Variants in PHF2 observed in about 807,000 individuals in gnomAD.
PHF2 encodes PHD finger protein 2.
Under a neutral mutation model 120.5 loss-of-function variants are expected in PHF2, and 27 were observed. That is an observed-to-expected ratio of 0.22 (90% confidence interval 0.17 to 0.31). The LOEUF (loss-of-function observed/expected upper bound fraction) is 0.31, where lower values mean the gene tolerates loss of function less well. Among genes scored for constraint, PHF2 ranks in the 10% least tolerant of loss-of-function variants. The pLI is 1.00. For missense variants in PHF2, 1,024 were observed against 1,434.8 expected (o/e 0.71, Z 4.63); for synonymous variants, 568 against 592.5 (o/e 0.96, Z 0.60).
rs1245041215 is a variant in PHF2 at position 93,660,454 on chromosome 9, G to A, written c.1592G>A (p.Gly531Glu). The A allele has an allele frequency of 6.3e-7, 1 of 1,579,112 alleles. No individual in the cohort carries two copies. The highest frequency in any genetic ancestry group is 8.6e-7 in the Non-Finnish European group (1 of 1,163,120). ...CTCAAAGATGGAGGCAAGAAGAAAGGGAAGAAGTCCCGGGAGTCAGCCTCA... is the reference window on the plus strand; with the variant it reads ...CTCAAAGATGGAGGCAAGAAGAAAGAGAAGAAGTCCCGGGAGTCAGCCTCA... ...LKLKDGGKKK[G>E]KKSRESASPT... The change falls in exon 12 of 22, where the codon GGG becomes GAG. Residue 531 changes from glycine (G) to glutamate (E), a missense_variant. By Grantham distance (98) the Gly-to-Glu change is moderately conservative. Coordinates refer to ENST00000359246, the MANE Select transcript of PHF2 (RefSeq NM_005392.4).
intron 1 of PHF2, among the ~76,000 whole-genome samples, chr9:93,622,267 T>C (rs1007316159): frequency 6.6e-6 from 1 of 152,244 alleles, no homozygotes; most frequent in Non-Finnish European, 1.5e-5. Context: ...CCAGCCAGCC[T>C]GTCCATACAC....
At chr9:93,665,172 A>G (rs1826651965) in intron 14 of PHF2, among the ~76,000 whole-genome samples, 1 of 152,112 alleles carries the variant, frequency 6.6e-6, no homozygotes, top group Admixed American at 6.5e-5. Context: ...CCCTGAGTTT[A>G]TTTTTCCAAC....
chr9:93,665,704 C>A lies in PHF2; in HGVS notation c.1956C>A (p.Pro652=). Residue 652 remains proline (P), a synonymous_variant, in exon 15 of 22, where the codon CCC becomes CCA. Transcript: ENST00000359246. ...GCCCTAGCTCCAAGGCTCTCAGGCC[C>A]CCGACGAGCCCTGGTGTGTTCGGGG... is the stretch of plus-strand genomic sequence containing the variant. The part of the protein sequence containing the change: ...KKLLGSKALR[P]PTSPGVFGAL... The A allele has an allele frequency of 6.2e-7, 1 of 1,613,832 alleles. No individual in the cohort carries two copies. Among genetic ancestry groups the A allele is most frequent in the Non-Finnish European group, 8.5e-7 (1 of 1,179,998 alleles).
chr9:93,599,275 A>G (rs547494528), intron 1 of PHF2, among the ~76,000 whole-genome samples: 70 of 152,196 alleles, frequency 4.6e-4, no homozygotes, highest in Non-Finnish European at 9.0e-4. Context: ...TCAAGGAGCA[A>G]TGATAGGCAG....
chr9:93,607,417 C>T (rs150253520), intron 1 of PHF2, among the ~76,000 whole-genome samples: 29 of 150,184 alleles, frequency 1.9e-4, no homozygotes, highest in African/African-American at 6.8e-4. Flanking sequence ...GACTACAGGC[C>T]ATGCACCAAC....
At chr9:93,658,404 C>T (rs919957099) in intron 10 of PHF2, among the ~76,000 whole-genome samples, 168 bp downstream of exon 10, 4 of 152,160 alleles carry the variant, frequency 2.6e-5, no homozygotes, top group Non-Finnish European at 5.9e-5. Flanking sequence ...GTGCCTTTGC[C>T]CCAGACACCC....
chr9:93,661,278 T>C (rs1826559805), intron 12 of PHF2, among the ~76,000 whole-genome samples: 1 of 152,128 alleles, frequency 6.6e-6, no homozygotes. Flanking sequence ...ATCTGCTTCC[T>C]GGGGGCCAGG....
At chr9:93,594,186 A>ACC (rs57656509) in intron 1 of PHF2, among the ~76,000 whole-genome samples, 5 of 140,290 alleles carry the variant, frequency 3.6e-5, no homozygotes, top group African/African-American at 1.3e-4. Context: ...TTCTCATGTG[A>ACC]CCCCCCCCCC....
chr9:93,636,435 A>G lies in PHF2; in HGVS notation c.209A>G (p.Lys70Arg), dbSNP rs1399399190. 9.9e-6 allele frequency: 16 copies of G among 1,609,432 alleles called. No homozygotes were observed. In the East Asian group the frequency reaches 3.6e-4, roughly 36 times the overall value. ...STLKKKRTWH[K>R]HGPGQAPDVK... is the part of the protein sequence containing the mutation. ...GTAAAGAAGAAGCGGACCTGGCACA[A>G]ACACGGCCCGGGGCAAGCGCCTGAC... is the stretch of plus-strand genomic sequence containing the variant. Residue 70 changes from lysine to arginine, a missense_variant, in exon 3 of 22, where the codon AAA becomes AGA. Physicochemically the swap from Lys to Arg is conservative, Grantham distance 26 (BLOSUM62 2). Transcript: ENST00000359246.
At position 93,677,760 on chromosome 9, in the gene PHF2, C is replaced by A; in HGVS notation, c.*84C>A. The stretch of plus-strand genomic sequence containing the variant: ...ATCTGCCTCCCAGGAGGGTGCCGAG[C>A]TGCCTCACCAGGGAGGGCCTTGCCT... On this transcript the variant is annotated 3_prime_UTR_variant, in exon 22 of 22. Transcript: ENST00000359246. This position sits in a 1 kb window ranked among gnomAD's most constrained non-coding sequence, Gnocchi z 4.4. The A allele has an allele frequency of 9.9e-7, 1 of 1,013,758 alleles. No individual in the cohort carries two copies. Among genetic ancestry groups the A allele is most frequent in the Non-Finnish European group, 1.5e-6 (1 of 658,832 alleles). The allele number at this position is 1,013,758 out of a possible 1,614,324, so 62.8% of individuals were successfully genotyped here.
At chr9:93,663,133 G>A (rs1174997513) in intron 13 of PHF2, 107 bp downstream of exon 13, 4 of 1,475,018 alleles carry the variant, frequency 2.7e-6, no homozygotes, top group African/African-American at 2.8e-5. Context: ...GCAGACATGT[G>A]TCTGCTTGTC....
chr9:93,675,645 T>C (rs2118154968), intron 19 of PHF2, 35 bp from the exon 20 acceptor site: 1 of 1,550,246 alleles, frequency 6.5e-7, no homozygotes, highest in Non-Finnish European at 8.9e-7. Context: ...GGCTGTGGCC[T>C]ACAGCTTGAG....
chr9:93,671,039 G>C (rs545234695), intron 17 of PHF2: 26 of 981,950 alleles, frequency 2.6e-5, no homozygotes, highest in Middle Eastern at 1.0e-3. Context: ...GTGCAGGTGT[G>C]GGGGTAGGTG....
At chr9:93,639,650 C>T (rs1356333228) in intron 3 of PHF2, among the ~76,000 whole-genome samples, 1 of 152,148 alleles carries the variant, frequency 6.6e-6, no homozygotes, top group African/African-American at 2.4e-5. Context: ...GGGCCCCCCT[C>T]AGCACTATCA....
At chr9:93,676,196 A>G (rs1265938830) in intron 20 of PHF2, among the ~76,000 whole-genome samples, 1 of 152,202 alleles carries the variant, frequency 6.6e-6, no homozygotes, top group Non-Finnish European at 1.5e-5. Flanking sequence ...AGCTCCTCCC[A>G]GCTCAGAAAT....
chr9:93,674,954 A>G lies in PHF2; in HGVS notation c.2654A>G (p.Asp885Gly). The stretch of plus-strand genomic sequence containing the variant: ...TACCCCTCACTGGAGTCAGATGAAG[A>G]CAACCCCATCTTTAAGTCCCGGTCG... ...YVYPSLESDE[D>G]NPIFKSRSKK... Residue 885 changes from aspartate (D) to glycine (G), a missense_variant, in exon 19 of 22, where the codon GAC becomes GGC. By Grantham distance (94) the Asp-to-Gly change is moderately conservative. This residue lies in a region of PHF2 where 677 missense variants were observed against 857.4 expected (regional missense o/e 0.79). Transcript: ENST00000359246. 6.2e-7 allele frequency: 1 copy of G among 1,613,826 alleles called. No individual in the cohort carries two copies. The highest frequency in any genetic ancestry group is 1.1e-5 in the South Asian group (1 of 91,074).
In PHF2 at chr9:93,679,488, A is replaced by G. The variant is rs1587728050; in HGVS notation, c.*1812A>G. The G allele has an allele frequency of 3.3e-6, 1 of 302,726 alleles. No homozygotes were observed. The highest frequency in any genetic ancestry group is 6.4e-6 in the Non-Finnish European group (1 of 155,584). The allele number at this position is 302,726 out of a possible 1,614,324, so 18.8% of individuals were successfully genotyped here. The stretch of plus-strand genomic sequence containing the variant: ...TTTATCGTGGCTATTAAAGTGTTTT[A>G]TTTCCCAATTCATATTACTCTTGTA... On this transcript the variant is annotated 3_prime_UTR_variant, in exon 22 of 22. Coordinates refer to ENST00000359246, the MANE Select transcript of PHF2 (RefSeq NM_005392.4).
chr9:93,663,075 G>A, intron 13 of PHF2, 49 bp downstream of exon 13: 2 of 1,611,192 alleles, frequency 1.2e-6, no homozygotes, highest in South Asian at 1.1e-5. Context: ...AGCTTGGTGA[G>A]TGTGAGCAGA....
At chr9:93,649,548 C>A (rs1028799432) in intron 5 of PHF2, among the ~76,000 whole-genome samples, 5 of 152,082 alleles carry the variant, frequency 3.3e-5, no homozygotes, top group African/African-American at 1.2e-4. Context: ...CCATTGGTAA[C>A]AATGTGTAGT....
Sources: gnomAD v4.1 joint callset for allele counts (sites outside exome capture counted in the v4.1 genomes callset) on GRCh38, gnomAD v4.1.1 for gene constraint, gnomAD v4.1.1 regional missense constraint, Gnocchi (gnomAD v3.1) non-coding constraint, MANE v1.5 for transcripts, NCBI Gene and HGNC (gene_info 2026-07-23, HGNC 2026-07-21) for gene names.